The following NELL1 variants were observed in gnomAD, a reference collection of about 807,000 sequenced individuals.
NELL1 encodes neural EGFL like 1, also known as protein kinase C-binding protein NELL1.
Under a neutral mutation model 107.4 loss-of-function variants are expected in NELL1, and 76 were observed. That is an observed-to-expected ratio of 0.71 (90% CI 0.59 to 0.86). The LOEUF (loss-of-function observed/expected upper bound fraction) is 0.86. NELL1 is among the 40% of genes least tolerant of loss of function. NELL1 has a pLI of 0.00. For synonymous variants in NELL1, 353 were observed against 341.2 expected (o/e 1.03, Z -0.38); for missense variants, 1,024 against 1,005.5 (o/e 1.02, Z -0.25).
intron 15 of NELL1, among the ~76,000 whole-genome samples, chr11:21,483,990 CATATATATATATATAT>C (rs781565679): frequency 0.15 from 13,659 of 88,370 alleles, 1,116 homozygotes; most frequent in Middle Eastern, 0.28. Context: ...TTTTACTTAA[CATATATATATATATAT>C]ATATATATAT....
intron 15 of NELL1, among the ~76,000 whole-genome samples, chr11:21,387,417 C>T (rs1851772825): frequency 6.6e-6 from 1 of 151,874 alleles, no homozygotes; most frequent in African/African-American, 2.4e-5. Context: ...TTTGCTGCTA[C>T]AGCCCAGCTC....
At chr11:20,827,172 T>C (rs1447210456) in intron 3 of NELL1, among the ~76,000 whole-genome samples, 1 of 151,266 alleles carries the variant, frequency 6.6e-6, no homozygotes, top group Non-Finnish European at 1.5e-5. Context: ...CGAACATTAA[T>C]GTCTAATTTC....
At chr11:21,266,821 A>G (rs1421198480) in intron 14 of NELL1, among the ~76,000 whole-genome samples, 14 of 152,058 alleles carry the variant, frequency 9.2e-5, no homozygotes, top group Non-Finnish European at 1.5e-5. Flanking sequence ...GATTTGTGAA[A>G]ATTTTAAATT....
intron 11 of NELL1, 68 bp from the exon 12 acceptor site, chr11:20,960,364 A>T (rs1851265227): frequency 2.0e-6 from 3 of 1,492,490 alleles, no homozygotes; most frequent in African/African-American, 2.8e-5. Context: ...AAAATGTTAC[A>T]TACTTTATTT....
At chr11:20,742,991 A>T (rs1855925284) in intron 2 of NELL1, among the ~76,000 whole-genome samples, 1 of 152,118 alleles carries the variant, frequency 6.6e-6, no homozygotes, top group Non-Finnish European at 1.5e-5. Context: ...CACTGAGCTA[A>T]TGTAGCTTCT....
At chr11:21,431,660 A>C (rs1564890260) in intron 15 of NELL1, among the ~76,000 whole-genome samples, 1 of 152,184 alleles carries the variant, frequency 6.6e-6, no homozygotes, top group Non-Finnish European at 1.5e-5. Context: ...GATCTGCTGC[A>C]GTTTTCACAG....
intron 15 of NELL1, among the ~76,000 whole-genome samples, chr11:21,450,137 A>G (rs181189744): frequency 2.2e-3 from 332 of 152,364 alleles, no homozygotes; most frequent in African/African-American, 7.9e-3. Flanking sequence ...AGAAAAGTAG[A>G]AATTTATTGT....
chr11:20,907,097 A>G (rs2134140975), intron 5 of NELL1, among the ~76,000 whole-genome samples: 1 of 152,158 alleles, frequency 6.6e-6, no homozygotes, highest in East Asian at 1.9e-4. Flanking sequence ...CCCCTACTTC[A>G]CACCACATAT....
At chr11:21,495,054 G>A (rs10766824) in intron 15 of NELL1, among the ~76,000 whole-genome samples, 134,644 of 152,032 alleles carry the variant, frequency 0.89, 60,088 homozygotes, top group Non-Finnish European at 0.95. Flanking sequence ...TAAAACATAT[G>A]AGTAAATCAG....
chr11:20,823,484 G>T (rs147336093), intron 3 of NELL1, among the ~76,000 whole-genome samples: 1 of 151,292 alleles, frequency 6.6e-6, no homozygotes, highest in Non-Finnish European at 1.5e-5. Context: ...TGCAGGGAGG[G>T]TCACATGGAA....
intron 2 of NELL1, among the ~76,000 whole-genome samples, chr11:20,748,889 CAT>C (rs1856065499): frequency 3.4e-5 from 5 of 148,282 alleles, no homozygotes; most frequent in Non-Finnish European, 1.5e-5. Flanking sequence ...TCCATCCATC[CAT>C]CCATCCATCC....
intron 14 of NELL1, among the ~76,000 whole-genome samples, chr11:21,357,204 A>G (rs1043798580): frequency 3.9e-5 from 6 of 152,118 alleles, no homozygotes; most frequent in African/African-American, 1.4e-4. Flanking sequence ...GTAGTTCTCT[A>G]CTTTTAGTTC....
intron 15 of NELL1, among the ~76,000 whole-genome samples, chr11:21,428,434 T>C (rs1202890976): frequency 6.6e-6 from 1 of 152,174 alleles, no homozygotes; most frequent in Non-Finnish European, 1.5e-5. Context: ...ATAAAGTTAT[T>C]ATTGTTACTT....
At chr11:20,791,384 A>T (rs1314045712) in intron 3 of NELL1, among the ~76,000 whole-genome samples, 1 of 152,158 alleles carries the variant, frequency 6.6e-6, no homozygotes, top group African/African-American at 2.4e-5. Flanking sequence ...GCTCATTGCT[A>T]CTGTATAGAA....
intron 13 of NELL1, among the ~76,000 whole-genome samples, chr11:21,214,931 A>G (rs73452263): frequency 0.021 from 3,215 of 152,312 alleles, 115 homozygotes; most frequent in African/African-American, 0.073. Context: ...ATAAATTAAA[A>G]TGGTATAAAC....
chr11:20,699,171 C>T (rs554100672), intron 2 of NELL1, among the ~76,000 whole-genome samples: 28 of 151,416 alleles, frequency 1.8e-4, no homozygotes, highest in African/African-American at 5.9e-4. Context: ...TAGTGGAGAT[C>T]GTACCACTGT....
At chr11:20,951,126 TTCCAGAGAGTGG>T (rs1851060759) in intron 11 of NELL1, among the ~76,000 whole-genome samples, 5 of 152,336 alleles carry the variant, frequency 3.3e-5, no homozygotes, top group Admixed American at 3.3e-4. Context: ...TTGAGAAAAC[TTCCAGAGAGTGG>T]ATTTTGCTCA....
chr11:21,343,975 T>G (rs190694248), intron 14 of NELL1, among the ~76,000 whole-genome samples: 2 of 152,318 alleles, frequency 1.3e-5, no homozygotes, highest in Admixed American at 6.5e-5. Context: ...TGCTTTTATT[T>G]GAAGTATAAT....
At chr11:21,193,222 C>T (rs111856290) in intron 13 of NELL1, among the ~76,000 whole-genome samples, 1,700 of 151,818 alleles carry the variant, frequency 0.011, 73 homozygotes, top group African/African-American at 0.038. Flanking sequence ...ATCTGTTTTG[C>T]CCAAGAATGC....
Sources: gnomAD v4.1 joint callset for allele counts (sites outside exome capture counted in the v4.1 genomes callset) on GRCh38, gnomAD v4.1.1 for gene constraint, MANE v1.5 for transcripts, NCBI Gene and HGNC (gene_info 2026-07-23, HGNC 2026-07-21) for gene names.